The following CPS1 variants were observed in gnomAD, a reference collection of about 807,000 sequenced individuals.
CPS1 encodes the protein carbamoyl-phosphate synthase 1.
CPS1 carries 109 observed loss-of-function variants against 174.6 expected under a neutral mutation model. The observed-to-expected ratio is 0.62, with a 90% CI of 0.53 to 0.73. The LOEUF (loss-of-function observed/expected upper bound fraction) is 0.73. Ranked by LOEUF, CPS1 falls within the 30% of genes least tolerant of loss-of-function variation. The probability of loss-of-function intolerance (pLI) is 0.00; values close to 1 mark genes in which losing one functional copy is unlikely to be tolerated. For missense variants in CPS1, 1,689 were observed against 1,821.9 expected (o/e 0.93, Z 1.33); for synonymous variants, 637 against 632.0 (o/e 1.01, Z -0.12).
chr2:210,561,690 GA>G (rs1301022199), intron 1 of CPS1, among the ~76,000 whole-genome samples: 1 of 152,150 alleles, frequency 6.6e-6, no homozygotes, highest in Non-Finnish European at 1.5e-5. Context: ...ACGGAGGCCC[GA>G]AAAAAGCTGC....
chr2:210,670,106 CTACCT>C (rs1701248268), intron 34 of CPS1, among the ~76,000 whole-genome samples: 1 of 152,094 alleles, frequency 6.6e-6, no homozygotes. Context: ...TATTGAAAAT[CTACCT>C]TTCAATACTT....
At chr2:210,519,041 G>T (rs1354346112) in intron 1 of CPS1, among the ~76,000 whole-genome samples, 1 of 151,892 alleles carries the variant, frequency 6.6e-6, no homozygotes, top group Admixed American at 6.6e-5. Flanking sequence ...TTCTGAAATG[G>T]TCTTACAAAA....
chr2:210,521,760 G>A (rs1509820), intron 1 of CPS1, among the ~76,000 whole-genome samples: 61,696 of 151,678 alleles, frequency 0.41, 14,157 homozygotes, highest in Non-Finnish European at 0.53. Flanking sequence ...TAAAATTTGA[G>A]TCAGTTCCAG....
chr2:210,545,325 G>C (rs1004867137), intron 1 of CPS1, among the ~76,000 whole-genome samples: 1 of 152,012 alleles, frequency 6.6e-6, no homozygotes. Flanking sequence ...CAATTAATTG[G>C]ATTCTGATAA....
At chr2:210,554,152 TACAC>T (rs536991195), upstream of CPS1, among the ~76,000 whole-genome samples, 1 of 138,150 alleles carries the variant, frequency 7.2e-6, no homozygotes, top group East Asian at 2.1e-4. Flanking sequence ...TATGTATATA[TACAC>T]ACACATATAC....
chr2:210,632,005 A>G (rs1348381908), intron 21 of CPS1, among the ~76,000 whole-genome samples: 1 of 152,234 alleles, frequency 6.6e-6, no homozygotes, highest in Admixed American at 6.5e-5. Context: ...ACAACATAAT[A>G]TAAATGGAGT....
intron 1 of CPS1, among the ~76,000 whole-genome samples, chr2:210,524,377 T>C (rs1300692440): frequency 5.3e-5 from 8 of 152,042 alleles, no homozygotes; most frequent in Admixed American, 1.3e-4. Flanking sequence ...ATTTATTGAA[T>C]GCGTACTGTA....
chr2:210,542,544 TC>T (rs1696460339), intron 1 of CPS1, among the ~76,000 whole-genome samples: 1 of 151,926 alleles, frequency 6.6e-6, no homozygotes, highest in Admixed American at 6.6e-5. Context: ...GGTGCAAACG[TC>T]CCCCCTCCTA....
chr2:210,615,610 A>G lies in CPS1; in HGVS notation c.2569-813A>G, dbSNP rs542576149. 1.2e-4 allele frequency among the ~76,000 whole-genome samples: 18 copies of G among 152,098 alleles called. No homozygotes were observed. In the South Asian group the frequency reaches 3.7e-3, roughly 32 times the overall value. ...TATACACGTACACATACACACATAC[A>G]AGAATAAGAGTAGACATCTTTTTGT... is the stretch of plus-strand genomic sequence containing the variant. On this transcript the variant is annotated intron_variant, in intron 20 of 37. Transcript: ENST00000233072.
At chr2:210,672,435 T>C (rs1701340910) in intron 34 of CPS1, 1 of 152,184 alleles carries the variant, frequency 6.6e-6, no homozygotes. Context: ...TAATGTTCCA[T>C]ATTAGGGGTA....
chr2:210,555,178 A>G (rs922891987), upstream of CPS1, among the ~76,000 whole-genome samples: 2 of 151,916 alleles, frequency 1.3e-5, no homozygotes, highest in African/African-American at 4.8e-5. Flanking sequence ...AAAATATACC[A>G]CATGACTTCA....
Position 210,578,716 on chromosome 2 carries a change from C to T in CPS1, c.472-998C>T, listed in dbSNP as rs1466199633. Among the ~76,000 whole-genome samples, 7 of 152,140 alleles carry T rather than the reference C, an allele frequency of 4.6e-5. No individual in the cohort carries two copies. In the South Asian group the frequency reaches 1.0e-3, roughly 23 times the overall value. On this transcript the variant is annotated intron_variant, in intron 4 of 37. Transcript: ENST00000233072. ...GGAGAAGAAGGCATCCATATCATAT[C>T]CTGGGCCATAGCCATTTTCTTCTCA... is the stretch of plus-strand genomic sequence containing the variant.
intron 1 of CPS1, among the ~76,000 whole-genome samples, chr2:210,496,246 G>T (rs976184202): frequency 2.0e-5 from 3 of 152,032 alleles, no homozygotes; most frequent in African/African-American, 7.2e-5. Context: ...TACTATGTAA[G>T]GAATGAAACC....
At chr2:210,513,305 A>G (rs1024727948) in intron 1 of CPS1, among the ~76,000 whole-genome samples, 5 of 151,542 alleles carry the variant, frequency 3.3e-5, no homozygotes, top group African/African-American at 1.2e-4. Flanking sequence ...AACAGTGTAT[A>G]AGCATTCCCT....
intron 25 of CPS1, among the ~76,000 whole-genome samples, chr2:210,643,755 T>A (rs17831707): frequency 0.02 from 3,011 of 152,200 alleles, 55 homozygotes; most frequent in Admixed American, 0.042. Flanking sequence ...ACTAATCCTT[T>A]AATAAAATTG....
At chr2:210,668,107 T>TG in intron 33 of CPS1, 79 bp from the exon 34 acceptor site, 3 of 874,266 alleles carry the variant, frequency 3.4e-6, no homozygotes, top group Middle Eastern at 3.0e-4. Context: ...TGTGTGTGTA[T>TG]TTTAATTTTA....
chr2:210,666,815 T>G (rs1701117025), intron 33 of CPS1, among the ~76,000 whole-genome samples: 1 of 152,204 alleles, frequency 6.6e-6, no homozygotes. Context: ...TGCGGGCTCT[T>G]TTTTGGTTCC....
At chr2:210,482,649 T>TA (rs1159156207) in intron 1 of CPS1, among the ~76,000 whole-genome samples, 3 of 139,634 alleles carry the variant, frequency 2.1e-5, no homozygotes, top group Non-Finnish European at 3.1e-5. Flanking sequence ...GAGTTTGACA[T>TA]ATGCTGGTGA....
intron 33 of CPS1, among the ~76,000 whole-genome samples, chr2:210,664,588 T>C (rs1037733410): frequency 5.3e-5 from 8 of 152,110 alleles, no homozygotes; most frequent in Non-Finnish European, 8.8e-5. Context: ...ATCCGCCCGC[T>C]ACAGACATGA....
Sources: gnomAD v4.1 joint callset for allele counts (sites outside exome capture counted in the v4.1 genomes callset) on GRCh38, gnomAD v4.1.1 for gene constraint, MANE v1.5 for transcripts, NCBI Gene and HGNC (gene_info 2026-07-23, HGNC 2026-07-21) for gene names.